Variants in SYNE1 observed in about 807,000 individuals in gnomAD.
SYNE1 encodes the protein nesprin-1.
Under a neutral mutation model 1,111.0 loss-of-function variants are expected in SYNE1, and 616 were observed. That is an observed-to-expected ratio of 0.55 (90% CI 0.52 to 0.59). SYNE1 has a LOEUF of 0.59. Ranked by LOEUF, SYNE1 falls within the 20% of genes least tolerant of loss-of-function variation. The pLI is 0.00. For missense variants in SYNE1, 10,006 were observed against 10,417.0 expected (o/e 0.96, Z 1.72); for synonymous variants, 3,855 against 3,825.8 (o/e 1.01, Z -0.28).
Position 152,404,294 on chromosome 6 carries a change from T to A in SYNE1, c.6744A>T (p.Ala2248=). Residue 2248 remains alanine, a synonymous_variant, in exon 46 of 146, where the codon GCA becomes GCT. Coordinates refer to ENST00000367255, the MANE Select transcript of SYNE1 (RefSeq NM_182961.4). ...TGGAATGCAGTTCTTCCAATCTCAA[T>A]GCTTTGTTTTTAACTTCAGACTGCC... The part of the protein sequence containing the change: ...KEFESEVKNK[A]LRLEELHSKV... 2 of 1,612,436 alleles carry A rather than the reference T, an allele frequency of 1.2e-6. No homozygotes were observed. The highest frequency in any genetic ancestry group is 1.7e-6 in the Non-Finnish European group (2 of 1,179,506).
rs577745203 is a variant in SYNE1 at position 152,191,351 on chromosome 6, G to T, written c.23146-1944C>A. The stretch of plus-strand genomic sequence containing the variant: ...CTATTTTTCAGAATAGATTGAGTAG[G>T]ATTGGTATTAGTTCTTCTTTAAATG... On this transcript the variant is annotated intron_variant, in intron 127 of 145. Coordinates refer to ENST00000367255, the MANE Select transcript of SYNE1 (RefSeq NM_182961.4). Among the ~76,000 whole-genome samples the T allele has an allele frequency of 1.5e-4, 23 of 152,064 alleles. 1 individual carries two copies. In the East Asian group the frequency reaches 3.9e-3, roughly 26 times the overall value.
In SYNE1 at chr6:152,325,275, G is replaced by T. The variant is rs753720734; in HGVS notation, c.15466C>A (p.His5156Asn). 1.2e-6 allele frequency: 2 copies of T among 1,614,156 alleles called. No individual in the cohort carries two copies. Among genetic ancestry groups the T allele is most frequent in the Non-Finnish European group, 1.7e-6 (2 of 1,180,032 alleles). The change falls in exon 81 of 146, where the codon CAT (histidine) becomes AAT (asparagine). Residue 5156 changes from histidine to asparagine, a missense_variant. Around this residue, in one of 7 missense-constraint regions of SYNE1, gnomAD observed 4,955 missense variants for 5,017.2 expected, o/e 0.99. Transcript: ENST00000367255. Reference sequence around the variant, plus strand: ...TCCTCAAGGGCCACAATTTTCTCATGGAAAGAGTTAACCACTGACACTAAA... The same window carrying T: ...TCCTCAAGGGCCACAATTTTCTCATTGAAAGAGTTAACCACTGACACTAAA... ...KALVSVVNSF[H>N]EKIVALEEKA... is the part of the protein sequence containing the mutation.
chr6:152,458,541 A>G (rs2098711841), intron 22 of SYNE1, among the ~76,000 whole-genome samples: 1 of 152,214 alleles, frequency 6.6e-6, no homozygotes, highest in South Asian at 2.1e-4. Flanking sequence ...GAGTCCAGCT[A>G]GACCATTCCC....
intron 3 of SYNE1, among the ~76,000 whole-genome samples, chr6:152,558,798 A>G (rs139943882): frequency 2.6e-5 from 4 of 152,288 alleles, no homozygotes; most frequent in East Asian, 1.9e-4. Context: ...CAGAAACTCA[A>G]CAAGGAAACA....
intron 3 of SYNE1, among the ~76,000 whole-genome samples, chr6:152,627,841 GT>G (rs1338129765): frequency 2.0e-5 from 3 of 152,046 alleles, no homozygotes; most frequent in African/African-American, 7.2e-5. Context: ...GGGTCTTCTA[GT>G]TGGGAAATGC....
intron 143 of SYNE1, 68 bp downstream of exon 143, chr6:152,133,208 G>A (rs1363170611): frequency 7.1e-7 from 1 of 1,399,248 alleles, no homozygotes; most frequent in Non-Finnish European, 1.0e-6. Flanking sequence ...TTTCTAAAAT[G>A]CATGAAGATG....
chr6:152,129,888 C>T (rs555974911), intron 145 of SYNE1, among the ~76,000 whole-genome samples: 1 of 152,124 alleles, frequency 6.6e-6, no homozygotes, highest in Non-Finnish European at 1.5e-5. Context: ...AAACAGGCTC[C>T]GAGGACAGTG....
At chr6:152,461,242 C>T (rs550494004) in intron 21 of SYNE1, among the ~76,000 whole-genome samples, 1 of 152,022 alleles carries the variant, frequency 6.6e-6, no homozygotes, top group African/African-American at 2.4e-5. Flanking sequence ...CAAATCTTAA[C>T]CAATTCTCAT....
chr6:152,241,145 C>A (rs759196428), intron 107 of SYNE1, among the ~76,000 whole-genome samples: 1 of 152,156 alleles, frequency 6.6e-6, no homozygotes, highest in Non-Finnish European at 1.5e-5. Flanking sequence ...ACTCATTGAT[C>A]CTAGTTTCCC....
intron 22 of SYNE1, among the ~76,000 whole-genome samples, chr6:152,457,323 A>G (rs2098702718): frequency 6.6e-6 from 1 of 152,188 alleles, no homozygotes; most frequent in Non-Finnish European, 1.5e-5. Flanking sequence ...CCTAATTTGC[A>G]ATATTAGATC....
chr6:152,319,838 T>G (rs1232179957), intron 84 of SYNE1: 3 of 151,798 alleles, frequency 2.0e-5, no homozygotes, highest in African/African-American at 4.8e-5. Context: ...AGCTTAAATT[T>G]TAACTAAAAA....
At chr6:152,149,322 G>A (rs1410132795) in intron 136 of SYNE1, among the ~76,000 whole-genome samples, 155 bp downstream of exon 136, 2 of 152,148 alleles carry the variant, frequency 1.3e-5, no homozygotes, top group Non-Finnish European at 2.9e-5. Flanking sequence ...GTAGCTTGCC[G>A]AAGGTGACAG....
In SYNE1 at chr6:152,470,658, T is replaced by C. The variant is rs2098800587; in HGVS notation, c.1632+939A>G. 2.6e-5 allele frequency among the ~76,000 whole-genome samples: 4 copies of C among 152,156 alleles called. No individual in the cohort carries two copies. The South Asian group carries it at 8.3e-4, about 31-fold the overall frequency. On this transcript the variant is annotated intron_variant, in intron 16 of 145. Transcript: ENST00000367255. ...AGCAAAACAGATTATAGTTCTAAGA[T>C]GCTTCAGTGAAAATATGGTTTCAAT...
chr6:152,124,576 T>C (rs181435435), intron 145 of SYNE1, among the ~76,000 whole-genome samples: 22 of 152,324 alleles, frequency 1.4e-4, no homozygotes, highest in African/African-American at 5.0e-4. Flanking sequence ...TGTCTTCTAC[T>C]GATTTGTCAG....
In SYNE1 at chr6:152,436,062, C is replaced by T. The variant is rs149918889; in HGVS notation, c.4189G>A (p.Glu1397Lys). The T allele has an allele frequency of 4.5e-5, 72 of 1,614,078 alleles. No individual in the cohort carries two copies. In the African/African-American group the frequency reaches 6.8e-4, roughly 15 times the overall value. Residue 1397 changes from glutamate (E) to lysine (K), a missense_variant, in exon 33 of 146, where the codon GAG (glutamate) becomes AAG (lysine). This residue lies in a region of SYNE1 where 1,971 missense variants were observed against 2,084.1 expected (regional missense o/e 0.95). Transcript: ENST00000367255. ...KRTESIAVQA[E>K]NLVKEASEIP... ...TCTGAAGCTTCCTTTACAAGGTTCT[C>T]AGCCTGGACTGCAATACTTTCTGTC...
intron 3 of SYNE1, among the ~76,000 whole-genome samples, chr6:152,614,276 A>G (rs1373997514): frequency 6.6e-6 from 1 of 152,220 alleles, no homozygotes; most frequent in African/African-American, 2.4e-5. Context: ...CAAAGAACTC[A>G]AATTTACAAG....
At chr6:152,459,899 G>T (rs1011404830) in intron 21 of SYNE1, among the ~76,000 whole-genome samples, 1 of 152,180 alleles carries the variant, frequency 6.6e-6, no homozygotes, top group Non-Finnish European at 1.5e-5. Flanking sequence ...TATGTATGAA[G>T]AAACGTTTTT....
rs776203433 is a variant in SYNE1, at chr6:152,176,411, C to T, written c.23610G>A (p.Leu7870=). The T allele has an allele frequency of 6.2e-7, 1 of 1,614,130 alleles. No individual in the cohort carries two copies. Among genetic ancestry groups the T allele is most frequent in the Non-Finnish European group, 8.5e-7 (1 of 1,179,998 alleles). ...GKVNDRWQHL[L]DLIAARVKKL... is the part of the protein sequence containing the mutation. ...CTCTTTACCTGGCTGCAATGAGGTC[C>T]AGGAGATGCTGCCACCGGTCGTTGA... is the stretch of plus-strand genomic sequence containing the variant. The change falls in exon 130 of 146, where the codon CTG becomes CTA. Residue 7870 remains leucine (L), a synonymous_variant. Coordinates refer to ENST00000367255, the MANE Select transcript of SYNE1 (RefSeq NM_182961.4).
chr6:152,155,965 T>C lies in SYNE1; in HGVS notation c.23923A>G (p.Asn7975Asp). The change falls in exon 132 of 146, where the codon AAC becomes GAC. Residue 7975 changes from asparagine (N) to aspartate (D), a missense_variant. By Grantham distance (23) the Asn-to-Asp change is conservative. Coordinates refer to ENST00000367255, the MANE Select transcript of SYNE1 (RefSeq NM_182961.4). ...ECDSIQQATRNLDRRWRNICA... is the reference protein window; with the variant it reads ...ECDSIQQATRDLDRRWRNICA... ...ATGTTTCTCCACCGCCGGTCCAGGT[T>C]TCTCGTAGCCTGCTGTATAGAGTCA... 1 of 1,614,188 alleles carries C rather than the reference T, an allele frequency of 6.2e-7. No homozygotes were observed. Among genetic ancestry groups the C allele is most frequent in the Non-Finnish European group, 8.5e-7 (1 of 1,180,024 alleles).
Sources: allele counts gnomAD v4.1 joint callset (sites outside exome capture counted in the v4.1 genomes callset), GRCh38; gene constraint gnomAD v4.1.1; regional missense constraint gnomAD v4.1.1; transcripts MANE v1.5; gene names NCBI Gene and HGNC (gene_info 2026-07-23, HGNC 2026-07-21).